Variants in TRAPPC11 observed in about 807,000 individuals in gnomAD.
TRAPPC11 encodes the protein foie gras homolog.
Under a neutral mutation model 151.2 loss-of-function variants are expected in TRAPPC11, and 104 were observed. The ratio of observed to expected loss-of-function variants is 0.69; its 90% confidence interval spans 0.59 to 0.81. The LOEUF is 0.81. TRAPPC11 is among the 30% of genes least tolerant of loss of function. The pLI is 0.00. For missense variants in TRAPPC11, 1,230 were observed against 1,349.6 expected (o/e 0.91, Z 1.39); for synonymous variants, 456 against 472.3 (o/e 0.97, Z 0.45).
At chr4:183,689,545 C>A (rs1302385178) in intron 18 of TRAPPC11, among the ~76,000 whole-genome samples, 1 of 151,296 alleles carries the variant, frequency 6.6e-6, no homozygotes, top group African/African-American at 2.4e-5. Context: ...TTACTGGAAT[C>A]TAAGCTCCAC....
intron 10 of TRAPPC11, among the ~76,000 whole-genome samples, chr4:183,681,096 C>T (rs1399933770): frequency 6.6e-6 from 1 of 151,774 alleles, no homozygotes; most frequent in Non-Finnish European, 1.5e-5. Context: ...ATTTAGATAT[C>T]AGTTTTCTTA....
chr4:183,663,648 C>T (rs747208046), intron 1 of TRAPPC11, among the ~76,000 whole-genome samples, 199 bp from the exon 2 acceptor site: 7 of 151,696 alleles, frequency 4.6e-5, no homozygotes, highest in East Asian at 1.9e-4. Context: ...GGATTGTATG[C>T]GTGAGCCACC....
chr4:183,692,370 TA>T (rs33971588), intron 19 of TRAPPC11, among the ~76,000 whole-genome samples: 33,405 of 146,440 alleles, frequency 0.23, 3,763 homozygotes, highest in Middle Eastern at 0.29. Flanking sequence ...GCTTATTCAT[TA>T]AAAAAAAAAA....
chr4:183,676,342 G>T (rs1415770519), intron 7 of TRAPPC11, among the ~76,000 whole-genome samples: 1 of 152,048 alleles, frequency 6.6e-6, no homozygotes, highest in Admixed American at 6.6e-5. Flanking sequence ...TAGAGACAGG[G>T]TTTCACCATG....
chr4:183,695,542 G>C (rs1736496367), intron 23 of TRAPPC11, among the ~76,000 whole-genome samples: 1 of 152,140 alleles, frequency 6.6e-6, no homozygotes, highest in African/African-American at 2.4e-5. Flanking sequence ...AACAGGCCAT[G>C]TTTCTAAATA....
At chr4:183,673,190 C>T (rs1375878098) in intron 5 of TRAPPC11, among the ~76,000 whole-genome samples, 1 of 152,010 alleles carries the variant, frequency 6.6e-6, no homozygotes, top group Non-Finnish European at 1.5e-5. Context: ...TCTTGATCTC[C>T]TGACCTCGTG....
At chr4:183,672,267 C>T (rs1447022821) in intron 5 of TRAPPC11, among the ~76,000 whole-genome samples, 5 of 152,038 alleles carry the variant, frequency 3.3e-5, no homozygotes, top group Admixed American at 2.6e-4. Context: ...TTATTTTGGA[C>T]AGAGGAATGT....
At chr4:183,708,688 C>A (rs1737202237) in intron 29 of TRAPPC11, 114 bp downstream of exon 29, 4 of 970,554 alleles carry the variant, frequency 4.1e-6, no homozygotes, top group Non-Finnish European at 6.1e-6. Context: ...ATAGTTTTGC[C>A]TTTTATTATA....
At chr4:183,684,548 G>A (rs1434010335) in intron 14 of TRAPPC11, 148 bp from the exon 15 acceptor site, 10 of 1,003,242 alleles carry the variant, frequency 1.0e-5, no homozygotes, top group South Asian at 1.7e-5. Context: ...GAAATCTCAC[G>A]TTTAGCTAAA....
At position 183,706,955 on chromosome 4, in the gene TRAPPC11, T is replaced by C; in HGVS notation, c.3189+15T>C. The C allele has an allele frequency of 5.0e-6, 8 of 1,610,920 alleles. No homozygotes were observed. Among genetic ancestry groups the C allele is most frequent in the Non-Finnish European group, 6.8e-6 (8 of 1,178,440 alleles). On this transcript the variant is annotated intron_variant, in intron 28 of 29. Transcript: ENST00000334690. The stretch of plus-strand genomic sequence containing the variant: ...GTCTCAAACAGGTACAGGTCATATC[T>C]TGTGATGCTTATGTTGACACAAAAG...
At chr4:183,709,094 C>T (rs960625432) in intron 29 of TRAPPC11, among the ~76,000 whole-genome samples, 1 of 152,032 alleles carries the variant, frequency 6.6e-6, no homozygotes, top group Non-Finnish European at 1.5e-5. Context: ...GTTAATTTAG[C>T]TCAGCAGCCC....
chr4:183,667,408 G>A (rs745815992), intron 4 of TRAPPC11, among the ~76,000 whole-genome samples: 1 of 152,040 alleles, frequency 6.6e-6, no homozygotes, highest in Non-Finnish European at 1.5e-5. Context: ...AAAACAATTC[G>A]CTTGAATTTT....
At chr4:183,666,154 G>T in intron 2 of TRAPPC11, 103 bp from the exon 3 acceptor site, 1 of 994,404 alleles carries the variant, frequency 1.0e-6, no homozygotes, top group Non-Finnish European at 1.5e-6. Context: ...AATGGGAGGT[G>T]TGTATATTGA....
chr4:183,684,615 A>T (rs570208108), intron 14 of TRAPPC11, 81 bp from the exon 15 acceptor site: 7 of 1,436,904 alleles, frequency 4.9e-6, no homozygotes, highest in Non-Finnish European at 6.7e-6. Flanking sequence ...ACATAAAATG[A>T]GGAAAGTATT....
intron 1 of TRAPPC11, 91 bp from the exon 2 acceptor site, chr4:183,663,752 TTTTG>T: frequency 9.4e-6 from 5 of 531,674 alleles, no homozygotes; most frequent in Non-Finnish European, 1.6e-5. Context: ...TTTTTTTTTT[TTTTG>T]AGACAGAGTT....
In TRAPPC11 at chr4:183,683,492, C is replaced by T. The variant is rs183752979; in HGVS notation, c.1208-483C>T. Among the ~76,000 whole-genome samples, 561 of 151,974 alleles carry T rather than the reference C, an allele frequency of 3.7e-3. 2 individuals carry two copies. The highest frequency in any genetic ancestry group is 0.013 in the African/African-American group (532 of 41,442). On this transcript the variant is annotated intron_variant, in intron 11 of 29. Transcript: ENST00000334690. The stretch of plus-strand genomic sequence containing the variant: ...CCTGGGCAACATAGTGAGAACCCAT[C>T]TCTACAAAAAAATACAAAAATTAGC...
rs538290978 is a variant in TRAPPC11 at position 183,712,707 on chromosome 4, A to T, written c.*63A>T. 6.2e-5 allele frequency: 93 copies of T among 1,507,028 alleles called. No homozygotes were observed. The highest frequency in any genetic ancestry group is 8.3e-5 in the Non-Finnish European group (90 of 1,084,870). 93.4% of individuals were successfully genotyped at this position (1,507,028 alleles called of 1,614,324 possible). A position where few individuals can be genotyped will look rare whatever the true frequency, so the allele number is the denominator to read the frequency against. The stretch of plus-strand genomic sequence containing the variant: ...TTGGGCAGAGCTATGCAGGTGTTTC[A>T]TTGTGAACTCTAGCTTTGATCATGG... On this transcript the variant is annotated 3_prime_UTR_variant, in exon 30 of 30. Coordinates refer to ENST00000334690, the MANE Select transcript of TRAPPC11 (RefSeq NM_021942.6).
At chr4:183,661,426 C>T (rs900320403) in intron 1 of TRAPPC11, among the ~76,000 whole-genome samples, 2 of 123,362 alleles carry the variant, frequency 1.6e-5, no homozygotes, top group African/African-American at 3.1e-5. Flanking sequence ...GGCTGGAGTG[C>T]AGTGGCGCGA....
chr4:183,676,925 C>T (rs188381307), intron 7 of TRAPPC11, among the ~76,000 whole-genome samples: 97 of 152,202 alleles, frequency 6.4e-4, no homozygotes, highest in Non-Finnish European at 1.0e-3. Context: ...CTACCACACC[C>T]GGCTAACTTT....
Sources: gnomAD v4.1 joint callset for allele counts (sites outside exome capture counted in the v4.1 genomes callset) on GRCh38, gnomAD v4.1.1 for gene constraint, MANE v1.5 for transcripts, NCBI Gene and HGNC (gene_info 2026-07-23, HGNC 2026-07-21) for gene names.